RUBCN: variants seen among roughly 807,000 people sequenced by gnomAD.
RUBCN encodes the protein run domain Beclin-1-interacting and cysteine-rich domain-containing protein.
RUBCN carries 74 observed loss-of-function variants against 113.2 expected under a neutral mutation model. That is an observed-to-expected ratio of 0.65 (90% CI 0.54 to 0.79). The LOEUF is 0.79. Ranked by LOEUF, RUBCN falls within the 30% of genes least tolerant of loss-of-function variation. RUBCN has a pLI of 0.00. For missense variants in RUBCN, 1,109 were observed against 1,251.7 expected (o/e 0.89, Z 1.72); for synonymous variants, 480 against 490.0 (o/e 0.98, Z 0.27).
intron 16 of RUBCN, among the ~76,000 whole-genome samples, chr3:197,680,895 T>G (rs989410137): frequency 4.6e-5 from 7 of 150,858 alleles, no homozygotes; most frequent in Non-Finnish European, 8.8e-5. Context: ...AAGTACATAG[T>G]GAGGGCATGA....
chr3:197,693,305 C>T (rs536604863), intron 11 of RUBCN, among the ~76,000 whole-genome samples: 1 of 152,342 alleles, frequency 6.6e-6, no homozygotes, highest in Admixed American at 6.5e-5. Flanking sequence ...CTTTTGTCCC[C>T]CTGCCCCCAA....
chr3:197,680,590 ATGCTCTAACT>A (rs1721106288), intron 16 of RUBCN, among the ~76,000 whole-genome samples: 2 of 152,260 alleles, frequency 1.3e-5, no homozygotes, highest in East Asian at 1.9e-4. Flanking sequence ...AGACTGTCCT[ATGCTCTAACT>A]TGCTCTAACT....
At chr3:197,728,492 A>G (rs1400305204) in intron 1 of RUBCN, among the ~76,000 whole-genome samples, 1 of 152,236 alleles carries the variant, frequency 6.6e-6, no homozygotes, top group Non-Finnish European at 1.5e-5. Context: ...AGGAAATATA[A>G]AAACGTGAAA....
intron 1 of RUBCN, among the ~76,000 whole-genome samples, chr3:197,731,477 GTCA>G (rs1251314505): frequency 2.0e-5 from 3 of 152,230 alleles, no homozygotes; most frequent in South Asian, 4.1e-4. Flanking sequence ...AACCGCCATT[GTCA>G]TCATGGCCCG....
At chr3:197,742,547 T>C (rs1334061101) in intron 1 of RUBCN, among the ~76,000 whole-genome samples, 1 of 152,142 alleles carries the variant, frequency 6.6e-6, no homozygotes, top group African/African-American at 2.4e-5. Context: ...TTGACGAATG[T>C]TCGTTTTGTC....
At chr3:197,693,321 C>A (rs1722642432) in intron 11 of RUBCN, among the ~76,000 whole-genome samples, 1 of 152,186 alleles carries the variant, frequency 6.6e-6, no homozygotes, top group Non-Finnish European at 1.5e-5. Context: ...CCCAATGATT[C>A]TTTTTGTCCT....
rs1022082648 is a variant in RUBCN at position 197,683,115 on chromosome 3, G to A, written c.1980+192C>T. On this transcript the variant is annotated intron_variant, in intron 13 of 19. Transcript: ENST00000296343. This position sits in a 1 kb window ranked among gnomAD's most constrained non-coding sequence, Gnocchi z 4.6. ...CGTGAATAAGGACCGCGAACGCGCC[G>A]TCATCTCTGCTCTGACAAGGTGAGC... Among the ~76,000 whole-genome samples the A allele has an allele frequency of 3.3e-5, 5 of 152,342 alleles. No individual in the cohort carries two copies. The highest frequency in any genetic ancestry group is 1.9e-4 in the East Asian group (1 of 5,186).
intron 2 of RUBCN, among the ~76,000 whole-genome samples, chr3:197,705,866 T>C (rs182018113): frequency 5.9e-5 from 9 of 152,250 alleles, no homozygotes; most frequent in African/African-American, 1.9e-4. Context: ...CAGCTAGAAC[T>C]ACAGGCACAT....
upstream of RUBCN, chr3:197,749,769 A>G: frequency 1.8e-6 from 1 of 561,952 alleles, no homozygotes; most frequent in Non-Finnish European, 3.2e-6. Flanking sequence ...GAGGGCCGCT[A>G]GGAGCGAGTC....
intron 5 of RUBCN, 151 bp downstream of exon 5, chr3:197,703,397 C>T: frequency 7.4e-6 from 1 of 135,706 alleles, no homozygotes; most frequent in African/African-American, 7.0e-5. Flanking sequence ...GACTCTGTCT[C>T]AAAAAAAAAA....
intron 1 of RUBCN, among the ~76,000 whole-genome samples, chr3:197,745,945 A>G (rs1188885377): frequency 6.6e-6 from 1 of 150,988 alleles, no homozygotes; most frequent in Non-Finnish European, 1.5e-5. Context: ...GTTGAGGAAA[A>G]GAATAGCTTA....
At position 197,694,592 on chromosome 3, in the gene RUBCN, G is replaced by GA; in HGVS notation, c.1474-8dup. 1 of 1,611,310 alleles carries GA rather than the reference G, an allele frequency of 6.2e-7. No individual in the cohort carries two copies. On this transcript the variant is annotated splice_region_variant and splice_polypyrimidine_tract_variant and intron_variant, in intron 9 of 19. Transcript: ENST00000296343. ...TGCTGAAGTGGGCATTCTCCTGGCG[G>GA]AAGGAGAGCACCAAACAGGCAAAGG...
intron 6 of RUBCN, 70 bp downstream of exon 6, chr3:197,701,638 C>T (rs936715655): frequency 6.8e-7 from 1 of 1,477,414 alleles, no homozygotes; most frequent in African/African-American, 1.4e-5. Context: ...AGCCTATGAG[C>T]AACCACAAAG....
Position 197,674,976 on chromosome 3 carries a change from C to A in RUBCN, c.*42G>T, listed in dbSNP as rs898380583. On this transcript the variant is annotated 3_prime_UTR_variant, in exon 20 of 20. Transcript: ENST00000296343. Reference sequence around the variant, plus strand: ...TTCAAAGAGTGGCTCAGTTCTGCAACAGGTGTGACCCGGCCCGGAGGGAGG... The same window carrying A: ...TTCAAAGAGTGGCTCAGTTCTGCAAAAGGTGTGACCCGGCCCGGAGGGAGG... The A allele has an allele frequency of 1.3e-6, 2 of 1,588,254 alleles. No individual in the cohort carries two copies. The highest frequency in any genetic ancestry group is 2.7e-5 in the African/African-American group (2 of 73,900).
chr3:197,717,827 G>A, intron 2 of RUBCN, 150 bp downstream of exon 2: 1 of 799,034 alleles, frequency 1.3e-6, no homozygotes. Context: ...GACACGATGT[G>A]AAACGTTCTG....
rs1377508390 is a variant in RUBCN, at chr3:197,671,957, T to C, written c.*3061A>G. The C allele has an allele frequency of 6.6e-6, 1 of 152,238 alleles. No individual in the cohort carries two copies. The highest frequency in any genetic ancestry group is 1.5e-5 in the Non-Finnish European group (1 of 68,040). 9.4% of individuals were successfully genotyped at this position (152,238 alleles called of 1,614,324 possible). On this transcript the variant is annotated 3_prime_UTR_variant, in exon 20 of 20. Transcript: ENST00000296343. ...ATATACCTGCTTTACAGTGGACACA[T>C]GCCATTTCTTGACAGTCAAGGCAGG...
At position 197,718,036 on chromosome 3, in the gene RUBCN, A is replaced by C. The variant is rs755685441; in HGVS notation, c.160T>G (p.Leu54Val). 2 of 1,614,056 alleles carry C rather than the reference A, an allele frequency of 1.2e-6. No homozygotes were observed. The highest frequency in any genetic ancestry group is 3.3e-5 in the Admixed American group (2 of 59,990). Residue 54 changes from leucine to valine, a missense_variant, in exon 2 of 20, where the codon TTG (leucine) becomes GTG (valine). This residue lies in a region of RUBCN where 736 missense variants were observed against 779.6 expected (regional missense o/e 0.94). Coordinates refer to ENST00000296343, the MANE Select transcript of RUBCN (RefSeq NM_014687.4). ...TGCATGTCCCTGCAAAGCCGCTCCA[A>C]GCCACCATACTTAGACCAGACGTTG... ...SPNVWSKYGG[L>V]ERLCRDMQSI...
chr3:197,739,557 G>A (rs148277539), upstream of RUBCN, among the ~76,000 whole-genome samples: 344 of 150,848 alleles, frequency 2.3e-3, 6 homozygotes, highest in East Asian at 0.057. Flanking sequence ...TTAGCCGGGC[G>A]TGGTGGCGGG....
intron 2 of RUBCN, among the ~76,000 whole-genome samples, chr3:197,710,710 T>C (rs1309214518): frequency 1.3e-5 from 2 of 151,658 alleles, no homozygotes; most frequent in African/African-American, 4.8e-5. Context: ...TATAAATCAG[T>C]AGGAAAAGAC....
Sources: gnomAD v4.1 joint callset for allele counts (sites outside exome capture counted in the v4.1 genomes callset) on GRCh38, gnomAD v4.1.1 for gene constraint, gnomAD v4.1.1 regional missense constraint, Gnocchi (gnomAD v3.1) non-coding constraint, MANE v1.5 for transcripts, NCBI Gene and HGNC (gene_info 2026-07-23, HGNC 2026-07-21) for gene names.